The following OVCH1 variants were observed in gnomAD, a reference collection of about 807,000 sequenced individuals.
The protein encoded by OVCH1 is ovochymase-1.
In OVCH1, 139 loss-of-function variants were observed where a neutral mutation model predicts 138.4. The ratio of observed to expected loss-of-function variants is 1.00; its 90% CI spans 0.87 to 1.16. The LOEUF is 1.16. Ranked by LOEUF, OVCH1 falls within the 50% of genes most tolerant of loss-of-function variation. OVCH1 has a pLI of 0.00. For synonymous variants in OVCH1, 453 were observed against 467.8 expected (o/e 0.97, Z 0.41); for missense variants, 1,367 against 1,357.9 (o/e 1.01, Z -0.11).
exon 18 of OVCH1, chr12:29,464,563 T>A: frequency 6.2e-7 from 1 of 1,613,622 alleles, no homozygotes; most frequent in Non-Finnish European, 8.5e-7. Context: ...AAATAGAGGC[T>A]CTGCGCTGTG....
chr12:29,491,827 C>T (rs968964889), intron 4 of OVCH1, among the ~76,000 whole-genome samples: 4 of 151,930 alleles, frequency 2.6e-5, no homozygotes, highest in Non-Finnish European at 4.4e-5. Flanking sequence ...AACATATTAC[C>T]AAAAATGGAA....
chr12:29,466,215 G>T (rs28560462), intron 16 of OVCH1, among the ~76,000 whole-genome samples: 6,171 of 152,000 alleles, frequency 0.041, 163 homozygotes, highest in East Asian at 0.069. Context: ...CCTGCACGTT[G>T]TGCACATGTA....
At chr12:29,427,771 C>T (rs1227826205) in intron 27 of OVCH1, 4 of 1,306,634 alleles carry the variant, frequency 3.1e-6, no homozygotes, top group Non-Finnish European at 1.0e-6. Flanking sequence ...GGTCTATATT[C>T]ATTAGGTCCA....
At chr12:29,444,148 A>T in exon 24 of OVCH1, 1 of 1,605,588 alleles carries the variant, frequency 6.2e-7, no homozygotes, top group Non-Finnish European at 8.5e-7. Context: ...TCCTTACCCC[A>T]TAGTAGTTCT....
rs571453453 is a variant in OVCH1, at chr12:29,496,341, A to T, written c.184-63T>A. The T allele has an allele frequency of 2.2e-5, 30 of 1,353,130 alleles. No homozygotes were observed. The South Asian group carries it at 2.9e-4, about 13-fold the overall frequency. 83.8% of individuals were successfully genotyped at this position (1,353,130 alleles called of 1,614,324 possible). On this transcript the variant is annotated intron_variant, in intron 2 of 27. Coordinates refer to ENST00000318184, the Ensembl canonical transcript of OVCH1. ...CTCCCCACATATGTATCTCCATCGG[A>T]AACACTGGAGATCAACTTTTCTAAT...
intron 22 of OVCH1, among the ~76,000 whole-genome samples, chr12:29,448,042 T>G (rs1333796116): frequency 6.6e-6 from 1 of 150,974 alleles, no homozygotes; most frequent in East Asian, 1.9e-4. Flanking sequence ...GACTTCAAAC[T>G]TTTTGGCACC....
At chr12:29,444,270 G>A (rs1941559445) in exon 24 of OVCH1, 38 of 1,611,670 alleles carry the variant, frequency 2.4e-5, no homozygotes, top group Non-Finnish European at 3.2e-5. Flanking sequence ...TTATTTTACT[G>A]TCCTTTGGAC....
At position 29,473,157 on chromosome 12, in the gene OVCH1, A is replaced by G. The variant is rs970897300; in HGVS notation, c.1601-54T>C. 36 of 1,278,908 alleles carry G rather than the reference A, an allele frequency of 2.8e-5. No individual in the cohort carries two copies. In the Admixed American group the frequency reaches 5.7e-4, roughly 20 times the overall value. The allele number at this position is 1,278,908 out of a possible 1,614,324, so 79.2% of individuals were successfully genotyped here. ...GTAATTAGAGAAGTTGCACTAACTG[A>G]CCCCACTTGCTTACCCTGGTAAATC... is the stretch of plus-strand genomic sequence containing the variant. On this transcript the variant is annotated intron_variant, in intron 14 of 27. Coordinates refer to ENST00000318184, the Ensembl canonical transcript of OVCH1.
chr12:29,413,138 A>G (rs1000221330), intron 3 of OVCH1, among the ~76,000 whole-genome samples: 2 of 151,890 alleles, frequency 1.3e-5, no homozygotes, highest in African/African-American at 4.8e-5. Context: ...TTGAGATTAT[A>G]GGTGTGAGCC....
chr12:29,465,253 A>C (rs1369216978), intron 16 of OVCH1, 34 bp from the exon 17 acceptor site: 1 of 1,537,212 alleles, frequency 6.5e-7, no homozygotes, highest in Non-Finnish European at 8.8e-7. Flanking sequence ...GTTTGACATG[A>C]AAACACATTT....
intron 19 of OVCH1, among the ~76,000 whole-genome samples, chr12:29,456,216 T>C (rs1318390205): frequency 6.6e-6 from 1 of 152,090 alleles, no homozygotes; most frequent in Non-Finnish European, 1.5e-5. Context: ...CAGTAAAATC[T>C]GAGTCCATGT....
intron 16 of OVCH1, among the ~76,000 whole-genome samples, chr12:29,468,229 G>A (rs1942383673): frequency 1.3e-5 from 2 of 152,116 alleles, no homozygotes; most frequent in Admixed American, 1.3e-4. Flanking sequence ...TAGAGAAATG[G>A]AGAGGGTAGT....
chr12:29,443,155 G>A (rs1941531248), intron 25 of OVCH1, among the ~76,000 whole-genome samples: 1 of 152,018 alleles, frequency 6.6e-6, no homozygotes, highest in South Asian at 2.1e-4. Flanking sequence ...AAGAAACGTT[G>A]TTGGACTTTG....
intron 5 of OVCH1, among the ~76,000 whole-genome samples, chr12:29,490,044 T>C (rs2136083553): frequency 6.6e-6 from 1 of 152,196 alleles, no homozygotes; most frequent in South Asian, 2.1e-4. Flanking sequence ...AGGAAAACTT[T>C]GGTCAATATG....
At chr12:29,451,507 G>C in exon 22 of OVCH1, 1 of 1,613,208 alleles carries the variant, frequency 6.2e-7, no homozygotes, top group Non-Finnish European at 8.5e-7. Context: ...CTATAATCCA[G>C]TAGATACCGT....
chr12:29,458,825 A>C (rs1422953221), intron 19 of OVCH1, among the ~76,000 whole-genome samples: 1 of 152,236 alleles, frequency 6.6e-6, no homozygotes, highest in Non-Finnish European at 1.5e-5. Flanking sequence ...AAAATGGACA[A>C]AAGATCTGAA....
At chr12:29,407,571 C>T (rs1410326638), downstream of OVCH1, among the ~76,000 whole-genome samples, 2 of 150,826 alleles carry the variant, frequency 1.3e-5, no homozygotes, top group African/African-American at 2.4e-5. Flanking sequence ...GGAATCCGTT[C>T]CCCATTGCTT....
intron 3 of OVCH1, among the ~76,000 whole-genome samples, chr12:29,418,097 A>G (rs1415057739): frequency 1.3e-5 from 2 of 152,182 alleles, no homozygotes; most frequent in Admixed American, 6.5e-5. Context: ...TTCTCACTGA[A>G]TGTTCACCTG....
chr12:29,474,677 C>T (rs932831800), intron 14 of OVCH1, among the ~76,000 whole-genome samples: 35 of 152,294 alleles, frequency 2.3e-4, no homozygotes, highest in African/African-American at 8.2e-4. Flanking sequence ...CTGAGTAGCA[C>T]GTACTTTATC....
Sources: gnomAD v4.1 joint callset for allele counts (sites outside exome capture counted in the v4.1 genomes callset) on GRCh38, gnomAD v4.1.1 for gene constraint, MANE v1.5 for transcripts, NCBI Gene and HGNC (gene_info 2026-07-23, HGNC 2026-07-21) for gene names.